EPB41L5: variants seen among roughly 807,000 people sequenced by gnomAD.
EPB41L5 encodes the protein band 4.1-like protein 5.
In EPB41L5, 55 loss-of-function variants were observed where a neutral mutation model predicts 106.6. That is an observed-to-expected ratio of 0.52 (90% CI 0.42 to 0.65). The LOEUF is 0.65. EPB41L5 is among the 30% of genes least tolerant of loss of function. The pLI, the probability that EPB41L5 is intolerant of heterozygous loss-of-function variation, is 0.00. For synonymous variants in EPB41L5, 297 were observed against 306.7 expected (o/e 0.97, Z 0.33); for missense variants, 871 against 882.1 (o/e 0.99, Z 0.16).
At chr2:120,074,036 CT>C (rs1682059715) in intron 4 of EPB41L5, 63 bp from the exon 5 acceptor site, 2 of 1,285,038 alleles carry the variant, frequency 1.6e-6, no homozygotes, top group East Asian at 5.1e-5. Flanking sequence ...GACCAGTTTT[CT>C]GGCTGAAAAG....
chr2:120,076,298 T>A (rs1329921410), intron 7 of EPB41L5, among the ~76,000 whole-genome samples: 1 of 151,868 alleles, frequency 6.6e-6, no homozygotes, highest in Non-Finnish European at 1.5e-5. Flanking sequence ...TCAGTGTATA[T>A]CAGTATATTC....
chr2:120,046,407 GTGA>G (rs1374757032), intron 3 of EPB41L5, among the ~76,000 whole-genome samples: 1 of 152,084 alleles, frequency 6.6e-6, no homozygotes, highest in African/African-American at 2.4e-5. Flanking sequence ...CTGATGGCCA[GTGA>G]TGATGAGCAT....
intron 24 of EPB41L5, 25 bp from the exon 25 acceptor site, chr2:120,174,816 G>A (rs1213969335): frequency 1.9e-6 from 3 of 1,612,754 alleles, no homozygotes; most frequent in African/African-American, 1.3e-5. Flanking sequence ...GGTTCCCTGA[G>A]TAACCCATTC....
At chr2:120,105,711 C>A (rs1684412314) in intron 16 of EPB41L5, 3 of 985,378 alleles carry the variant, frequency 3.0e-6, no homozygotes, top group Non-Finnish European at 3.6e-6. Flanking sequence ...TTAAGCCCAT[C>A]ATCGTTTAGC....
At chr2:120,104,797 A>G (rs1459718425) in intron 16 of EPB41L5, 9 of 920,174 alleles carry the variant, frequency 9.8e-6, no homozygotes, top group South Asian at 5.0e-5. Flanking sequence ...TTACTTTTTA[A>G]TAAACACGAA....
rs139599074 is a variant in EPB41L5 at position 120,131,599 on chromosome 2, C to CTTTTTTT, written c.1502-15_1502-9dup. On this transcript the variant is annotated intron_variant, in intron 17 of 24. Transcript: ENST00000263713. ...GCCTGGCAGACTGGGGTTATTTTGC[C>CTTTTTTT]TTTTTTTTTTCTTTTCAGCATTAAA... 1.5e-6 allele frequency: 2 copies of CTTTTTTT among 1,342,430 alleles called. No individual in the cohort carries two copies. The highest frequency in any genetic ancestry group is 2.1e-6 in the Non-Finnish European group (2 of 965,194). The allele number at this position is 1,342,430 out of a possible 1,614,324, so 83.2% of individuals were successfully genotyped here.
chr2:120,098,970 G>A (rs1216849882), intron 14 of EPB41L5, among the ~76,000 whole-genome samples: 1 of 152,332 alleles, frequency 6.6e-6, no homozygotes, highest in East Asian at 1.9e-4. Flanking sequence ...GCTATGGGAG[G>A]CCTTTGCCAA....
chr2:120,129,645 T>G (rs1685610519), intron 17 of EPB41L5, among the ~76,000 whole-genome samples: 1 of 152,194 alleles, frequency 6.6e-6, no homozygotes, highest in African/African-American at 2.4e-5. Flanking sequence ...TATATTAGCT[T>G]AGGATTTACA....
At chr2:120,051,182 T>G (rs1313158843) in intron 3 of EPB41L5, among the ~76,000 whole-genome samples, 1 of 152,196 alleles carries the variant, frequency 6.6e-6, no homozygotes, top group Admixed American at 6.5e-5. Flanking sequence ...TCTTCAAAGC[T>G]GTCAGACAGG....
At chr2:120,148,456 G>C (rs1479657582) in intron 20 of EPB41L5, among the ~76,000 whole-genome samples, 2 of 151,028 alleles carry the variant, frequency 1.3e-5, no homozygotes, top group African/African-American at 4.8e-5. Flanking sequence ...ATTATAGTGA[G>C]TATGAAGGTT....
chr2:120,160,517 C>G, intron 20 of EPB41L5: 1 of 166,972 alleles, frequency 6.0e-6, no homozygotes, highest in Admixed American at 6.3e-5. Flanking sequence ...GATGTTTACC[C>G]ATTAGTGGAA....
At chr2:120,121,617 T>G (rs1482214273) in intron 16 of EPB41L5, among the ~76,000 whole-genome samples, 1 of 152,236 alleles carries the variant, frequency 6.6e-6, no homozygotes, top group Non-Finnish European at 1.5e-5. Flanking sequence ...ACATTTGGGT[T>G]GGTTCCAAGT....
chr2:120,046,346 A>G (rs1329852242), intron 3 of EPB41L5, among the ~76,000 whole-genome samples: 2 of 152,140 alleles, frequency 1.3e-5, no homozygotes, highest in Non-Finnish European at 2.9e-5. Flanking sequence ...AATGACGGTC[A>G]TTCTAACTGG....
At chr2:120,029,532 C>G (rs1678565001) in intron 2 of EPB41L5, among the ~76,000 whole-genome samples, 1 of 152,020 alleles carries the variant, frequency 6.6e-6, no homozygotes, top group Non-Finnish European at 1.5e-5. Context: ...GGAGAAATAC[C>G]TTCTGCTGAG....
At position 120,100,581 on chromosome 2, in the gene EPB41L5, A is replaced by C. The variant is rs111832217; in HGVS notation, c.1222-118A>C. ...TATCTCTAAGGTGTATATAAAATTC[A>C]AGCATTTGTATACATTTTAATTGTT... On this transcript the variant is annotated intron_variant, in intron 15 of 24. Coordinates refer to ENST00000263713, the MANE Select transcript of EPB41L5 (RefSeq NM_020909.4). 6.6e-6 allele frequency: 5 copies of C among 756,802 alleles called. No individual in the cohort carries two copies. In the African/African-American group the frequency reaches 7.0e-5, roughly 11 times the overall value. 46.9% of individuals were successfully genotyped at this position (756,802 alleles called of 1,614,324 possible). A position where few individuals can be genotyped will look rare whatever the true frequency, so the allele number is the denominator to read the frequency against.
chr2:120,048,118 T>TTG (rs1553494523), intron 3 of EPB41L5, among the ~76,000 whole-genome samples: 3 of 152,010 alleles, frequency 2.0e-5, no homozygotes, highest in Non-Finnish European at 1.5e-5. Flanking sequence ...TGGTCTAAAA[T>TTG]TCTTTTTTTG....
chr2:120,059,602 G>C (rs898455561), intron 3 of EPB41L5, among the ~76,000 whole-genome samples: 1 of 152,144 alleles, frequency 6.6e-6, no homozygotes, highest in African/African-American at 2.4e-5. Flanking sequence ...CTCGTGTCTA[G>C]CATATATACA....
In EPB41L5 at chr2:120,160,690, A is replaced by G. The variant is rs576141719; in HGVS notation, c.1794-191A>G. On this transcript the variant is annotated intron_variant, in intron 20 of 24. Transcript: ENST00000263713. ...TATTGCCTATCTTTTTTATTAAAAA[A>G]CCATTTTAACTGGAGCGAGATGATG... The G allele has an allele frequency of 2.2e-5, 12 of 546,244 alleles. No individual in the cohort carries two copies. The South Asian group carries it at 2.9e-4, about 13-fold the overall frequency. The allele number at this position is 546,244 out of a possible 1,614,324, so 33.8% of individuals were successfully genotyped here.
intron 17 of EPB41L5, among the ~76,000 whole-genome samples, chr2:120,128,256 AACACACAC>A (rs3084679): frequency 1.7e-4 from 25 of 145,346 alleles, no homozygotes; most frequent in Admixed American, 6.2e-4. Flanking sequence ...GGTGCTTTAA[AACACACAC>A]ACACACACAC....
Sources: allele counts gnomAD v4.1 joint callset (sites outside exome capture counted in the v4.1 genomes callset), GRCh38; gene constraint gnomAD v4.1.1; transcripts MANE v1.5; gene names NCBI Gene and HGNC (gene_info 2026-07-23, HGNC 2026-07-21).